The following COX10 variants were observed in gnomAD, a reference collection of about 807,000 sequenced individuals.
COX10 encodes protoheme IX farnesyltransferase, mitochondrial.
In COX10, 27 loss-of-function variants were observed where a neutral mutation model predicts 37.3. The observed-to-expected ratio is 0.72, with a 90% CI of 0.53 to 1.00. COX10 has a LOEUF of 1.00. Ranked by LOEUF, COX10 falls within the 50% of genes least tolerant of loss-of-function variation. The pLI is 0.00. For synonymous variants in COX10, 222 were observed against 229.1 expected (o/e 0.97, Z 0.28); for missense variants, 475 against 563.2 (o/e 0.84, Z 1.59).
chr17:14,107,970 T>G (rs1173156598), intron 4 of COX10, among the ~76,000 whole-genome samples: 1 of 152,162 alleles, frequency 6.6e-6, no homozygotes, highest in Non-Finnish European at 1.5e-5. Context: ...TCAGTGTTCT[T>G]TTTTCTTTCA....
chr17:14,185,280 G>A (rs1225685455), intron 5 of COX10, among the ~76,000 whole-genome samples: 1 of 144,586 alleles, frequency 6.9e-6, no homozygotes, highest in African/African-American at 2.7e-5. Context: ...GGGAAGAGCC[G>A]ATGGTTTTTG....
At chr17:14,183,938 C>CT (rs1905947470) in intron 5 of COX10, among the ~76,000 whole-genome samples, 1 of 152,210 alleles carries the variant, frequency 6.6e-6, no homozygotes, top group Admixed American at 6.5e-5. Context: ...TAGTGGCTAT[C>CT]TAGGCAATGA....
At chr17:14,205,320 G>T (rs1275047246) in intron 6 of COX10, among the ~76,000 whole-genome samples, 1 of 151,918 alleles carries the variant, frequency 6.6e-6, no homozygotes, top group Non-Finnish European at 1.5e-5. Context: ...ACTCTCTCCA[G>T]CTCAGCTGAG....
At chr17:14,135,723 T>C (rs370395476) in intron 4 of COX10, among the ~76,000 whole-genome samples, 2 of 152,112 alleles carry the variant, frequency 1.3e-5, no homozygotes, top group East Asian at 1.9e-4. Context: ...TGTTTTTTCA[T>C]AGTCTTCCTA....
intron 4 of COX10, among the ~76,000 whole-genome samples, chr17:14,112,714 T>TG (rs1269795014): frequency 6.6e-6 from 1 of 152,160 alleles, no homozygotes; most frequent in Non-Finnish European, 1.5e-5. Flanking sequence ...AAAGGTTAGA[T>TG]GGGTTTTTTA....
At chr17:14,137,782 G>C (rs978299544) in intron 4 of COX10, among the ~76,000 whole-genome samples, 8 of 152,090 alleles carry the variant, frequency 5.3e-5, no homozygotes, top group African/African-American at 1.9e-4. Flanking sequence ...AAGGGTACCA[G>C]TTATTGAATG....
chr17:14,093,157 T>C (rs1160831980), intron 3 of COX10, among the ~76,000 whole-genome samples: 1 of 152,208 alleles, frequency 6.6e-6, no homozygotes, highest in African/African-American at 2.4e-5. Context: ...TCTTAGAGTT[T>C]CATTTAGCCA....
chr17:14,109,461 C>T (rs563517599), intron 4 of COX10, among the ~76,000 whole-genome samples: 168 of 152,166 alleles, frequency 1.1e-3, no homozygotes, highest in African/African-American at 3.9e-3. Flanking sequence ...TATGATAATT[C>T]GAACGTATAT....
chr17:14,124,143 T>C lies in COX10; in HGVS notation c.624+21901T>C, dbSNP rs1299626611. ...TCTTGTTTTCTGCTCGGTTCAGCTA[T>C]AAATAGGTTAGTTGTTGCATCAAAT... On this transcript the variant is annotated intron_variant, in intron 4 of 6. Coordinates refer to ENST00000261643, the MANE Select transcript of COX10 (RefSeq NM_001303.4). Among the ~76,000 whole-genome samples the C allele has an allele frequency of 5.3e-5, 8 of 152,298 alleles. No individual in the cohort carries two copies. The South Asian group carries it at 1.2e-3, about 24-fold the overall frequency.
intron 4 of COX10, among the ~76,000 whole-genome samples, chr17:14,149,693 A>C (rs1395588052): frequency 6.6e-6 from 1 of 152,210 alleles, no homozygotes; most frequent in Non-Finnish European, 1.5e-5. Flanking sequence ...GTCTGCATGC[A>C]GGAATAAACC....
intron 4 of COX10, among the ~76,000 whole-genome samples, chr17:14,123,829 C>A (rs1443574515): frequency 6.6e-6 from 1 of 152,156 alleles, no homozygotes; most frequent in Non-Finnish European, 1.5e-5. Context: ...ACAACAGGTG[C>A]ATGCAATTTA....
chr17:14,074,221 C>T (rs1915092827), intron 1 of COX10, 102 bp from the exon 2 acceptor site: 18 of 1,262,014 alleles, frequency 1.4e-5, no homozygotes, highest in Middle Eastern at 1.9e-4. Context: ...CACAGTGTAG[C>T]GCTTACCTTA....
At chr17:14,176,829 A>G (rs1905706878) in intron 5 of COX10, among the ~76,000 whole-genome samples, 1 of 151,976 alleles carries the variant, frequency 6.6e-6, no homozygotes, top group South Asian at 2.1e-4. Context: ...CCTTTTGTCT[A>G]TGTTGTTTCA....
chr17:14,102,029 A>G (rs1277212629), intron 3 of COX10, 89 bp from the exon 4 acceptor site: 3 of 1,513,754 alleles, frequency 2.0e-6, no homozygotes, highest in Admixed American at 3.3e-5. Flanking sequence ...ATTAGTTTAT[A>G]TGAAGGATGG....
At chr17:14,114,833 C>A (rs1477766740) in intron 4 of COX10, among the ~76,000 whole-genome samples, 4 of 152,036 alleles carry the variant, frequency 2.6e-5, no homozygotes, top group Non-Finnish European at 5.9e-5. Context: ...TCATTTTAAT[C>A]AATAGTTGTT....
intron 4 of COX10, among the ~76,000 whole-genome samples, chr17:14,116,352 A>G (rs1916110226): frequency 6.6e-6 from 1 of 152,172 alleles, no homozygotes; most frequent in African/African-American, 2.4e-5. Flanking sequence ...ACATTTTCTC[A>G]TCAGAAATTT....
intron 5 of COX10, among the ~76,000 whole-genome samples, chr17:14,169,578 A>G (rs1235168778): frequency 1.3e-5 from 2 of 152,232 alleles, no homozygotes; most frequent in Non-Finnish European, 2.9e-5. Flanking sequence ...TAATTGACTC[A>G]CAGTTCCACA....
At chr17:14,081,447 G>A (rs1256388479) in intron 3 of COX10, among the ~76,000 whole-genome samples, 2 of 152,200 alleles carry the variant, frequency 1.3e-5, no homozygotes, top group Non-Finnish European at 2.9e-5. Flanking sequence ...CTGAGAGCGC[G>A]GAGCTGCAGA....
chr17:14,100,524 G>A (rs1267797763), intron 3 of COX10, among the ~76,000 whole-genome samples: 1 of 152,160 alleles, frequency 6.6e-6, no homozygotes, highest in African/African-American at 2.4e-5. Context: ...GGATCTGAAG[G>A]ATGAGAAGGA....
Sources: allele counts gnomAD v4.1 joint callset (sites outside exome capture counted in the v4.1 genomes callset), GRCh38; gene constraint gnomAD v4.1.1; transcripts MANE v1.5; gene names NCBI Gene and HGNC (gene_info 2026-07-23, HGNC 2026-07-21).